The following APLF variants were observed in gnomAD, a reference collection of about 807,000 sequenced individuals.
APLF encodes aprataxin and PNKP like factor.
A neutral mutation model predicts 55.6 loss-of-function variants in APLF; 61 were observed. The ratio of observed to expected loss-of-function variants is 1.10; its 90% CI spans 0.89 to 1.36. The LOEUF (loss-of-function observed/expected upper bound fraction) is 1.36, where lower values mean the gene tolerates loss of function less well. Among genes scored for constraint, APLF ranks in the 40% most tolerant of loss-of-function variants. APLF has a pLI of 0.00. For synonymous variants in APLF, 207 were observed against 214.8 expected, an observed-to-expected ratio of 0.96 and a Z score of 0.32; for missense variants, 611 against 602.5, an observed-to-expected ratio of 1.01 and a Z score of -0.15.
intron 8 of APLF, among the ~76,000 whole-genome samples, chr2:68,555,844 A>C (rs977966086): frequency 6.6e-6 from 1 of 152,244 alleles, no homozygotes; most frequent in Non-Finnish European, 1.5e-5. Context: ...CAGCAATCCC[A>C]CTACTGGGTA....
In APLF at chr2:68,577,897, G is replaced by A. The variant is rs912923774; in HGVS notation, c.1411G>A (p.Asp471Asn). Residue 471 changes from aspartate (D) to asparagine (N), a missense_variant, in exon 10 of 10, where the codon GAT becomes AAT. By Grantham distance (23) the Asp-to-Asn change is conservative. Coordinates refer to ENST00000303795, the MANE Select transcript of APLF (RefSeq NM_173545.3). ...TGACCTGAACGACAGCTTTCTAGAT[G>A]ATGAGGAAGAAGACTATGAGCCAAC... ...EYDLNDSFLD[D>N]EEEDYEPTDE... The A allele has an allele frequency of 1.2e-6, 2 of 1,613,488 alleles. No homozygotes were observed. The highest frequency in any genetic ancestry group is 1.3e-5 in the African/African-American group (1 of 74,864).
intron 1 of APLF, among the ~76,000 whole-genome samples, chr2:68,468,748 T>C (rs1392150183): frequency 6.6e-6 from 1 of 152,222 alleles, no homozygotes; most frequent in African/African-American, 2.4e-5. Context: ...TTGCAGATTC[T>C]AGCACTGTGG....
At chr2:68,504,311 T>C (rs1376496124) in intron 3 of APLF, among the ~76,000 whole-genome samples, 1 of 151,944 alleles carries the variant, frequency 6.6e-6, no homozygotes, top group African/African-American at 2.4e-5. Context: ...TTTATGAAGC[T>C]TCTGTAATTT....
At chr2:68,555,319 T>C (rs1670975046) in intron 8 of APLF, among the ~76,000 whole-genome samples, 3 of 152,098 alleles carry the variant, frequency 2.0e-5, no homozygotes, top group African/African-American at 7.2e-5. Context: ...TGGGACTTAA[T>C]TAAACTAAAG....
chr2:68,493,235 G>A (rs975234140), intron 2 of APLF, among the ~76,000 whole-genome samples: 2 of 152,172 alleles, frequency 1.3e-5, no homozygotes, highest in African/African-American at 4.8e-5. Context: ...ACTTATGTAT[G>A]TGGAAATTTG....
chr2:68,552,812 C>CT (rs1208221822), intron 8 of APLF, among the ~76,000 whole-genome samples: 1 of 152,114 alleles, frequency 6.6e-6, no homozygotes, highest in Non-Finnish European at 1.5e-5. Context: ...CTAATAAAAA[C>CT]TTTCATGTCT....
At chr2:68,495,319 G>T (rs570295501) in intron 2 of APLF, among the ~76,000 whole-genome samples, 50 of 152,314 alleles carry the variant, frequency 3.3e-4, no homozygotes, top group Non-Finnish European at 6.2e-4. Context: ...AAACAATGGG[G>T]GTATAGGCAT....
In APLF at chr2:68,529,921, C is replaced by A. The variant is rs1486347530; in HGVS notation, c.804+3679C>A. Among the ~76,000 whole-genome samples the A allele has an allele frequency of 1.3e-5, 2 of 152,220 alleles. No individual in the cohort carries two copies. Among genetic ancestry groups the A allele is most frequent in the Non-Finnish European group, 2.9e-5 (2 of 68,030 alleles). On this transcript the variant is annotated intron_variant, in intron 6 of 9. Coordinates refer to ENST00000303795, the MANE Select transcript of APLF (RefSeq NM_173545.3). This position sits in a 1 kb window ranked among gnomAD's most constrained non-coding sequence, Gnocchi z 4.4. ...AGGACCAGCCAGATCCCGCCAGGCT[C>A]CCCCGGGGCCTCTCCAGTGCCTCTG...
chr2:68,558,334 AAGTG>A (rs1234624356), intron 8 of APLF, among the ~76,000 whole-genome samples: 1 of 152,202 alleles, frequency 6.6e-6, no homozygotes, highest in Non-Finnish European at 1.5e-5. Context: ...TCAGGTAACA[AAGTG>A]AGTACTTTTT....
In APLF at chr2:68,579,346, C is replaced by A; in HGVS notation, c.*1324C>A. ...TTTTCCCCTTATAATGTCCCTTTAG[C>A]CTTGGTAGTATAACAAATCTACGAA... is the stretch of plus-strand genomic sequence containing the variant. On this transcript the variant is annotated 3_prime_UTR_variant, in exon 10 of 10. Coordinates refer to ENST00000303795, the MANE Select transcript of APLF (RefSeq NM_173545.3). The A allele has an allele frequency of 1.0e-6, 1 of 969,486 alleles. No homozygotes were observed. The allele number at this position is 969,486 out of a possible 1,614,324, so 60.1% of individuals were successfully genotyped here.
chr2:68,502,789 A>C lies in APLF; in HGVS notation c.227A>C (p.Lys76Thr). Residue 76 changes from lysine (K) to threonine (T), a missense_variant, in exon 3 of 10, where the codon AAG (lysine) becomes ACG (threonine). By Grantham distance (78) the Lys-to-Thr change is moderately conservative. Transcript: ENST00000303795. The part of the protein sequence containing the change: ...SSEKSQLLPL[K>T]PNLWCYLNPG... ...GAGAAGAGTCAGCTCTTACCATTGA[A>C]GCCAAATCTATGGTGCTATTTGAAT... 1 of 1,605,812 alleles carries C rather than the reference A, an allele frequency of 6.2e-7. No homozygotes were observed. The highest frequency in any genetic ancestry group is 8.5e-7 in the Non-Finnish European group (1 of 1,177,446).
chr2:68,509,078 G>T (rs1676962761), intron 3 of APLF, among the ~76,000 whole-genome samples: 3 of 152,018 alleles, frequency 2.0e-5, no homozygotes, highest in Admixed American at 6.6e-5. Context: ...ATTCGAGATG[G>T]ATTAAAGACT....
intron 3 of APLF, among the ~76,000 whole-genome samples, chr2:68,506,674 C>A (rs112882528): frequency 0.026 from 3,895 of 152,094 alleles, 66 homozygotes; most frequent in South Asian, 0.043. Flanking sequence ...GGGATCCAAA[C>A]TCAAGCCAGC....
At chr2:68,516,998 A>G (rs1669607220) in intron 5 of APLF, among the ~76,000 whole-genome samples, 1 of 125,150 alleles carries the variant, frequency 8.0e-6, no homozygotes, top group Non-Finnish European at 1.6e-5. Flanking sequence ...ATAATAATAT[A>G]TGTTAATATA....
At chr2:68,473,939 A>C (rs1573142087) in intron 1 of APLF, among the ~76,000 whole-genome samples, 1 of 152,164 alleles carries the variant, frequency 6.6e-6, no homozygotes. Context: ...TCAGTTCCCA[A>C]GATTTCCCCC....
intron 2 of APLF, 32 bp downstream of exon 2, chr2:68,490,293 T>C: frequency 6.3e-7 from 1 of 1,585,544 alleles, no homozygotes; most frequent in Non-Finnish European, 8.6e-7. Flanking sequence ...CATTTTAACT[T>C]TCATCTCTTA....
At position 68,529,055 on chromosome 2, in the gene APLF, A is replaced by G; in HGVS notation, c.804+2813A>G. ...CCTGGCTGGGATCACCTGCTCATCT[A>G]ATGAAGGAAGTTGAAGGTTAAACTT... On this transcript the variant is annotated intron_variant, in intron 6 of 9. Transcript: ENST00000303795. This position sits in a 1 kb window ranked among gnomAD's most constrained non-coding sequence, Gnocchi z 4.4. 2.0e-6 allele frequency: 3 copies of G among 1,466,898 alleles called. No individual in the cohort carries two copies. Among genetic ancestry groups the G allele is most frequent in the Non-Finnish European group, 2.8e-6 (3 of 1,083,856 alleles). The allele number at this position is 1,466,898 out of a possible 1,614,324, so 90.9% of individuals were successfully genotyped here.
At chr2:68,532,102 C>A (rs577921087) in intron 6 of APLF, among the ~76,000 whole-genome samples, 3 of 152,248 alleles carry the variant, frequency 2.0e-5, no homozygotes, top group African/African-American at 7.2e-5. Context: ...CTTTCCAAAC[C>A]CCACCCTCCA....
At chr2:68,512,929 C>T (rs1044731860) in intron 3 of APLF, 151 bp from the exon 4 acceptor site, 13 of 510,032 alleles carry the variant, frequency 2.5e-5, no homozygotes, top group Non-Finnish European at 4.4e-5. Context: ...AAATAAAGAA[C>T]ATATTCTAGT....
Sources: allele counts gnomAD v4.1 joint callset (sites outside exome capture counted in the v4.1 genomes callset), GRCh38; gene constraint gnomAD v4.1.1; non-coding constraint Gnocchi (gnomAD v3.1); transcripts MANE v1.5; gene names NCBI Gene and HGNC (gene_info 2026-07-23, HGNC 2026-07-21).